The following REDIC1 variants were observed in gnomAD, a reference collection of about 807,000 sequenced individuals.
The protein encoded by REDIC1 is regulator of DNA class I crossover intermediates 1, also known as HEI10 Interacting Protein 1.
the REDIC1 span, among the ~76,000 whole-genome samples, chr12:39,761,825 G>C: frequency 6.6e-6 from 1 of 152,042 alleles, no homozygotes; most frequent in African/African-American, 2.4e-5. Context: ...TACAAAATCT[G>C]TAACAGCAAA....
the REDIC1 span, among the ~76,000 whole-genome samples, chr12:39,823,656 C>T: frequency 1.3e-5 from 2 of 151,894 alleles, no homozygotes; most frequent in African/African-American, 2.4e-5. Flanking sequence ...GCTATGTTGC[C>T]CAGGCTGGCT....
At chr12:39,728,102 G>A in the REDIC1 span, among the ~76,000 whole-genome samples, 1 of 152,168 alleles carries the variant, frequency 6.6e-6, no homozygotes, top group Non-Finnish European at 1.5e-5. Flanking sequence ...TCAGCAAACA[G>A]AGACAATTTG....
the REDIC1 span, among the ~76,000 whole-genome samples, chr12:39,777,716 G>C: frequency 5.3e-5 from 8 of 152,194 alleles, no homozygotes; most frequent in Non-Finnish European, 1.2e-4. Flanking sequence ...CGAGAGGAAC[G>C]CACCAACAGG....
chr12:39,729,162 G>C, the REDIC1 span, among the ~76,000 whole-genome samples: 2 of 151,958 alleles, frequency 1.3e-5, no homozygotes, highest in African/African-American at 4.8e-5. Flanking sequence ...ATCTCCTTTA[G>C]TTCTGCTCTG....
chr12:39,869,120 A>G, the REDIC1 span, among the ~76,000 whole-genome samples: 1 of 152,238 alleles, frequency 6.6e-6, no homozygotes, highest in African/African-American at 2.4e-5. Flanking sequence ...TCAAGTATAT[A>G]TCTACATATA....
the REDIC1 span, among the ~76,000 whole-genome samples, chr12:39,682,182 G>C: frequency 3.9e-5 from 6 of 151,928 alleles, no homozygotes; most frequent in South Asian, 1.2e-3. Flanking sequence ...TGTTATAATG[G>C]TCTCATAACT....
the REDIC1 span, among the ~76,000 whole-genome samples, chr12:39,657,209 A>G: frequency 1.3e-5 from 2 of 151,968 alleles, no homozygotes; most frequent in Admixed American, 6.6e-5. Flanking sequence ...TACCTTTTCT[A>G]TGTTTAGATA....
chr12:39,659,186 A>T, the REDIC1 span, among the ~76,000 whole-genome samples: 2 of 151,864 alleles, frequency 1.3e-5, no homozygotes, highest in African/African-American at 4.8e-5. Flanking sequence ...CATTATCTTA[A>T]TATCTGTATA....
At chr12:39,895,743 TGTATATGCGTGTATACGTACACAC>T in the REDIC1 span, among the ~76,000 whole-genome samples, 2 of 115,332 alleles carry the variant, frequency 1.7e-5, 1 homozygote, top group African/African-American at 6.4e-5. Context: ...CGTACACACA[TGTATATGCGTGTATACGTACACAC>T]ATGTATATGC....
At chr12:39,896,401 T>C in the REDIC1 span, among the ~76,000 whole-genome samples, 42 of 142,536 alleles carry the variant, frequency 2.9e-4, no homozygotes, top group Non-Finnish European at 4.4e-4. Context: ...TGTATATATG[T>C]ATACATATAT....
At chr12:39,738,984 G>T in the REDIC1 span, among the ~76,000 whole-genome samples, 2 of 151,454 alleles carry the variant, frequency 1.3e-5, no homozygotes, top group Admixed American at 1.3e-4. Context: ...AAATCAAGTG[G>T]ATATATTTCT....
chr12:39,804,431 T>C, the REDIC1 span, among the ~76,000 whole-genome samples: 2 of 152,024 alleles, frequency 1.3e-5, no homozygotes, highest in Non-Finnish European at 2.9e-5. Context: ...ATGGTAAGAG[T>C]TTAACATTCA....
chr12:39,698,244 G>A, the REDIC1 span, among the ~76,000 whole-genome samples: 2 of 152,120 alleles, frequency 1.3e-5, no homozygotes, highest in African/African-American at 4.8e-5. Flanking sequence ...AGGTAGTTAG[G>A]CCATGAGTGC....
the REDIC1 span, among the ~76,000 whole-genome samples, chr12:39,897,445 G>T: frequency 6.6e-6 from 1 of 152,164 alleles, no homozygotes; most frequent in African/African-American, 2.4e-5. Flanking sequence ...ACTGCTATAA[G>T]TAGGATGCAG....
the REDIC1 span, among the ~76,000 whole-genome samples, chr12:39,790,672 A>G: frequency 4.5e-5 from 5 of 110,688 alleles, no homozygotes; most frequent in South Asian, 3.9e-4. Context: ...TAATGCCGCA[A>G]TAAACATACG....
At chr12:39,734,628 T>C in the REDIC1 span, among the ~76,000 whole-genome samples, 1 of 152,208 alleles carries the variant, frequency 6.6e-6, no homozygotes, top group African/African-American at 2.4e-5. Flanking sequence ...GCTCCAGCAC[T>C]ATTTGTTGAA....
chr12:39,653,954 G>GT, the REDIC1 span, among the ~76,000 whole-genome samples: 2 of 151,160 alleles, frequency 1.3e-5, no homozygotes, highest in Non-Finnish European at 2.9e-5. Context: ...AGGTGTTTTT[G>GT]TAAGTGTCCT....
At chr12:39,649,091 CTGT>C in the REDIC1 span, among the ~76,000 whole-genome samples, 1 of 151,778 alleles carries the variant, frequency 6.6e-6, no homozygotes, top group Non-Finnish European at 1.5e-5. Context: ...GATAAAACAT[CTGT>C]GTAATCTCTA....
the REDIC1 span, among the ~76,000 whole-genome samples, chr12:39,711,635 A>ATACACG: frequency 2.3e-4 from 3 of 13,258 alleles, no homozygotes; most frequent in Admixed American, 1.2e-3. Context: ...ACGTATGTGT[A>ATACACG]TATGTGTATA....
Sources: allele counts gnomAD v4.1 joint callset (sites outside exome capture counted in the v4.1 genomes callset), GRCh38; gene constraint gnomAD v4.1.1; transcripts MANE v1.5; gene names NCBI Gene and HGNC (gene_info 2026-07-23, HGNC 2026-07-21).